The following BCR variants were observed in gnomAD, a reference collection of about 807,000 sequenced individuals.
BCR encodes the protein BCR activator of RhoGEF and GTPase.
Under a neutral mutation model 138.6 loss-of-function variants are expected in BCR, and 58 were observed. The observed-to-expected ratio is 0.42, with a 90% CI of 0.34 to 0.52. The LOEUF (loss-of-function observed/expected upper bound fraction) is 0.52, where lower values mean the gene tolerates loss of function less well. Among genes scored for constraint, BCR ranks in the 20% least tolerant of loss-of-function variants. The pLI, the probability that BCR is intolerant of heterozygous loss-of-function variation, is 0.06. For missense variants in BCR, 1,599 were observed against 1,727.2 expected (o/e 0.93, Z 1.32); for synonymous variants, 786 against 730.1 (o/e 1.08, Z -1.23).
chr22:23,284,191 G>A (rs928730895), intron 9 of BCR, 93 bp downstream of exon 9: 113 of 1,525,438 alleles, frequency 7.4e-5, no homozygotes, highest in Non-Finnish European at 9.3e-5. Context: ...CAGTGGTGAT[G>A]TAGCTCGTTA....
chr22:23,276,117 C>T (rs1009147701), intron 8 of BCR, among the ~76,000 whole-genome samples: 3 of 152,084 alleles, frequency 2.0e-5, no homozygotes, highest in East Asian at 1.9e-4. Context: ...GGGCTGGGTG[C>T]GGCTGGGCGC....
chr22:23,313,534 G>T (rs1229870045), intron 20 of BCR, among the ~76,000 whole-genome samples: 2 of 152,224 alleles, frequency 1.3e-5, no homozygotes, highest in Non-Finnish European at 2.9e-5. Flanking sequence ...CCCCTGTGGT[G>T]TCCAGGACGA....
chr22:23,182,631 C>G (rs1000063749), intron 1 of BCR, among the ~76,000 whole-genome samples: 3 of 152,210 alleles, frequency 2.0e-5, no homozygotes, highest in African/African-American at 7.2e-5. Flanking sequence ...CTCTAGCGCC[C>G]ACATCGGATG....
intron 5 of BCR, among the ~76,000 whole-genome samples, chr22:23,269,586 G>A (rs2073485748): frequency 6.6e-6 from 1 of 152,202 alleles, no homozygotes; most frequent in Non-Finnish European, 1.5e-5. Context: ...GACAGTACCT[G>A]CCGCTCTGTT....
chr22:23,285,690 C>T (rs1289877666), intron 10 of BCR, among the ~76,000 whole-genome samples: 3 of 152,126 alleles, frequency 2.0e-5, no homozygotes, highest in African/African-American at 7.2e-5. Context: ...CCTAGTTTTT[C>T]GGAAACACAG....
At chr22:23,250,498 A>G (rs182639326) in intron 1 of BCR, among the ~76,000 whole-genome samples, 37 of 152,316 alleles carry the variant, frequency 2.4e-4, no homozygotes, top group African/African-American at 8.7e-4. Flanking sequence ...CAAAAACAAA[A>G]CTAAGAACCC....
rs563272981 is a variant in BCR, at chr22:23,226,414, T to C, written c.1280-27385T>C. ...GAGCAAAGGATCTTCTTTTGTCTTATGGTGTTTTACCTGTGCTGATTGGTT... is the reference window on the plus strand; with the variant it reads ...GAGCAAAGGATCTTCTTTTGTCTTACGGTGTTTTACCTGTGCTGATTGGTT... On this transcript the variant is annotated intron_variant, in intron 1 of 22. Transcript: ENST00000305877. Among the ~76,000 whole-genome samples, 17 of 152,264 alleles carry C rather than the reference T, an allele frequency of 1.1e-4. No individual in the cohort carries two copies. In the South Asian group the frequency reaches 2.7e-3, roughly 24 times the overall value.
chr22:23,312,362 A>G (rs1174761070), intron 19 of BCR: 1 of 184,230 alleles, frequency 5.4e-6, no homozygotes, highest in Non-Finnish European at 1.2e-5. Flanking sequence ...GGCACACACC[A>G]CCAACCCTGA....
chr22:23,290,580 GT>G, intron 14 of BCR, 167 bp downstream of exon 14: 1 of 700,644 alleles, frequency 1.4e-6, no homozygotes. Flanking sequence ...TGCCTTCTGG[GT>G]GTGGAATTGT....
At chr22:23,251,399 G>A (rs901341248) in intron 1 of BCR, among the ~76,000 whole-genome samples, 5 of 152,156 alleles carry the variant, frequency 3.3e-5, no homozygotes, top group Admixed American at 6.5e-5. Context: ...AGGTGTTGCC[G>A]ACGTGCAGCC....
chr22:23,181,124 GCATGATCT>G lies in BCR; in HGVS notation c.165_172del (p.Met56ProfsTer13). 1 of 1,496,594 alleles carries G rather than the reference GCATGATCT, an allele frequency of 6.7e-7. No homozygotes were observed. Among genetic ancestry groups the G allele is most frequent in the Non-Finnish European group, 9.0e-7 (1 of 1,114,892 alleles). The allele number at this position is 1,496,594 out of a possible 1,614,324, so 92.7% of individuals were successfully genotyped here. A position where few individuals can be genotyped will look rare whatever the true frequency, so the allele number is the denominator to read the frequency against. ...CAGGAGGTGAACCAGGAGCGCTTCC[GCATGATCT>G]ACCTGCAGACGTTGCTGGCCAAGGA... On this transcript the variant is annotated frameshift_variant, in exon 1 of 23. Transcript: ENST00000305877. LOFTEE classifies it high-confidence loss of function.
At chr22:23,294,353 C>T (rs898513076) in intron 15 of BCR, among the ~76,000 whole-genome samples, 2 of 152,162 alleles carry the variant, frequency 1.3e-5, no homozygotes, top group Non-Finnish European at 2.9e-5. Context: ...ATAGTCTCAC[C>T]GCCATAAAAG....
intron 2 of BCR, among the ~76,000 whole-genome samples, chr22:23,255,054 A>G (rs532925549): frequency 6.6e-6 from 1 of 152,276 alleles, no homozygotes; most frequent in East Asian, 1.9e-4. Flanking sequence ...AAAAATAAAT[A>G]AAAAGAGCAA....
At chr22:23,218,573 T>C (rs2072783992) in intron 1 of BCR, among the ~76,000 whole-genome samples, 3 of 152,184 alleles carry the variant, frequency 2.0e-5, no homozygotes, top group Non-Finnish European at 4.4e-5. Flanking sequence ...GCCTGCTCAG[T>C]GGCAGGGTGC....
intron 8 of BCR, among the ~76,000 whole-genome samples, chr22:23,275,167 G>C (rs2073561573): frequency 6.6e-6 from 1 of 152,198 alleles, no homozygotes; most frequent in Non-Finnish European, 1.5e-5. Context: ...CTTTAGTGAG[G>C]GACTTGGTCA....
intron 10 of BCR, 143 bp from the exon 11 acceptor site, chr22:23,287,016 G>A (rs2146302967): frequency 7.1e-7 from 1 of 1,405,702 alleles, no homozygotes; most frequent in Non-Finnish European, 9.5e-7. Flanking sequence ...ACTGCGGTCT[G>A]GGGCCCTGGT....
intron 1 of BCR, among the ~76,000 whole-genome samples, chr22:23,185,292 T>C (rs1413205899): frequency 6.6e-6 from 1 of 152,144 alleles, no homozygotes; most frequent in Non-Finnish European, 1.5e-5. Flanking sequence ...CTGGGGAGGT[T>C]CAGGGCGTCC....
chr22:23,292,714 C>T (rs2073802237), intron 15 of BCR, 76 bp downstream of exon 15: 2 of 1,311,156 alleles, frequency 1.5e-6, no homozygotes, highest in African/African-American at 1.5e-5. Flanking sequence ...TAATCTAAAC[C>T]TTCAGGGGCT....
intron 1 of BCR, among the ~76,000 whole-genome samples, chr22:23,231,157 G>A (rs1180793105): frequency 6.6e-6 from 1 of 152,172 alleles, no homozygotes; most frequent in Admixed American, 6.5e-5. Context: ...GGAAAGAAGG[G>A]ATTTTGTTTT....
Sources: allele counts gnomAD v4.1 joint callset (sites outside exome capture counted in the v4.1 genomes callset), GRCh38; gene constraint gnomAD v4.1.1; transcripts MANE v1.5; gene names NCBI Gene and HGNC (gene_info 2026-07-23, HGNC 2026-07-21).